EFHB: variants seen among roughly 807,000 people sequenced by gnomAD.
The protein encoded by EFHB is EF-hand domain-containing family member B.
In EFHB, 91 loss-of-function variants were observed where a neutral mutation model predicts 87.2. That is an observed-to-expected ratio of 1.04 (90% CI 0.88 to 1.24). The LOEUF is 1.24. EFHB is among the 50% of genes most tolerant of loss of function. The pLI is 0.00. For missense variants in EFHB, 1,084 were observed against 998.8 expected, an observed-to-expected ratio of 1.09 and a Z score of -1.15; for synonymous variants, 325 against 333.6, an observed-to-expected ratio of 0.97 and a Z score of 0.28.
At chr3:19,920,806 A>G (rs1027366476) in intron 1 of EFHB, among the ~76,000 whole-genome samples, 1 of 152,224 alleles carries the variant, frequency 6.6e-6, no homozygotes, top group Non-Finnish European at 1.5e-5. Flanking sequence ...CAGCACTAAC[A>G]TTGTTAGTGA....
intron 1 of EFHB, chr3:19,943,073 T>C: frequency 3.3e-6 from 1 of 299,584 alleles, no homozygotes; most frequent in South Asian, 4.0e-5. Context: ...GACAACAGCA[T>C]AATCAAGTCT....
intron 9 of EFHB, among the ~76,000 whole-genome samples, chr3:19,889,519 G>A (rs1000886698): frequency 3.3e-5 from 5 of 152,164 alleles, no homozygotes; most frequent in African/African-American, 9.7e-5. Flanking sequence ...TAGTATTTAA[G>A]CTCTTACTGC....
chr3:19,883,146 G>A (rs528462336), intron 11 of EFHB, among the ~76,000 whole-genome samples: 62 of 151,736 alleles, frequency 4.1e-4, no homozygotes, highest in African/African-American at 1.4e-3. Flanking sequence ...GACTACAGGC[G>A]TTTGCCATCA....
chr3:19,927,982 G>A (rs1326652040), intron 1 of EFHB, among the ~76,000 whole-genome samples: 2 of 149,060 alleles, frequency 1.3e-5, no homozygotes, highest in Non-Finnish European at 3.0e-5. Context: ...TAATATAGTA[G>A]CTAATACTAT....
chr3:19,932,100 TACTC>T (rs1695849794), intron 1 of EFHB, among the ~76,000 whole-genome samples: 1 of 152,204 alleles, frequency 6.6e-6, no homozygotes. Context: ...CAACTTCCCT[TACTC>T]ACCACGTAGA....
chr3:19,898,416 C>T (rs1317343826), intron 8 of EFHB, among the ~76,000 whole-genome samples: 5 of 152,198 alleles, frequency 3.3e-5, no homozygotes, highest in African/African-American at 9.7e-5. Context: ...TACTGGCAGT[C>T]TGCAGACCAC....
rs1451080653 is a variant in EFHB at position 19,933,842 on chromosome 3, T to C, written c.177A>G (p.Pro59=). ...TGCTCAATGGAAATTTTGTTTCTGGTGGTGCCATCCTTCCCTCACACTTAT... is the reference window on the plus strand; with the variant it reads ...TGCTCAATGGAAATTTTGTTTCTGGCGGTGCCATCCTTCCCTCACACTTAT... ...VSNKCEGRMA[P]PETKFPLSKG... is the part of the protein sequence containing the mutation. Residue 59 remains proline, a synonymous_variant, in exon 1 of 13, where the codon CCA becomes CCG. Coordinates refer to ENST00000295824, the MANE Select transcript of EFHB (RefSeq NM_144715.4). 4 of 1,613,984 alleles carry C rather than the reference T, an allele frequency of 2.5e-6. No homozygotes were observed. The highest frequency in any genetic ancestry group is 3.4e-6 in the Non-Finnish European group (4 of 1,179,896).
chr3:19,896,418 T>C (rs1462238581), intron 9 of EFHB: 2 of 482,960 alleles, frequency 4.1e-6, no homozygotes, highest in Admixed American at 3.2e-5. Flanking sequence ...ATGTCTTCTG[T>C]TAAGGGGCAA....
At position 19,899,436 on chromosome 3, in the gene EFHB, C is replaced by A; in HGVS notation, c.1498G>T (p.Asp500Tyr). Reference sequence around the variant, plus strand: ...TGAAGTTAATCATTAACTTACGGATCTAAAACTCTTCCAAGTTTATGTTGA... The same window carrying A: ...TGAAGTTAATCATTAACTTACGGATATAAAACTCTTCCAAGTTTATGTTGA... The part of the protein sequence containing the change: ...KFQHKLGRVL[D>Y]PIAETMNVPP... Residue 500 changes from aspartate (D) to tyrosine (Y), a missense_variant, in exon 7 of 13, where the codon GAT (aspartate) becomes TAT (tyrosine). Transcript: ENST00000295824. 1 of 1,597,168 alleles carries A rather than the reference C, an allele frequency of 6.3e-7. No homozygotes were observed. Among genetic ancestry groups the A allele is most frequent in the Admixed American group, 1.7e-5 (1 of 57,146 alleles).
In EFHB at chr3:19,888,460, C is replaced by T; in HGVS notation, c.1917G>A (p.Glu639=). 6.5e-7 allele frequency: 1 copy of T among 1,548,842 alleles called. No homozygotes were observed. The highest frequency in any genetic ancestry group is 1.2e-5 in the South Asian group (1 of 83,450). ...ATTAAATACCTTTAATAATGACCCT[C>T]TCTTCATACTCTTTAAGAAGCATTT... ...KDKMLLKEYE[E]RVIIKGRKPD... is the part of the protein sequence containing the mutation. Residue 639 remains glutamate, a synonymous_variant, in exon 10 of 13, where the codon GAG becomes GAA. Coordinates refer to ENST00000295824, the MANE Select transcript of EFHB (RefSeq NM_144715.4).
chr3:19,891,943 A>C (rs1198476709), intron 9 of EFHB, among the ~76,000 whole-genome samples: 1 of 152,208 alleles, frequency 6.6e-6, no homozygotes, highest in Non-Finnish European at 1.5e-5. Flanking sequence ...TCTTACGGTG[A>C]GAGAGGACAC....
At chr3:19,902,419 A>G (rs9846942) in intron 6 of EFHB, among the ~76,000 whole-genome samples, 71,470 of 151,956 alleles carry the variant, frequency 0.47, 18,359 homozygotes, top group African/African-American at 0.69. Flanking sequence ...CAATGGCGCC[A>G]TCTCAGCTCA....
chr3:19,880,264 T>TTATC (rs1363254371), intron 12 of EFHB, among the ~76,000 whole-genome samples: 3 of 149,876 alleles, frequency 2.0e-5, no homozygotes, highest in Non-Finnish European at 4.4e-5. Context: ...ATTTATTTAT[T>TTATC]TTTGAGACAG....
At chr3:19,922,872 T>C (rs1695485429) in intron 1 of EFHB, among the ~76,000 whole-genome samples, 1 of 152,190 alleles carries the variant, frequency 6.6e-6, no homozygotes, top group South Asian at 2.1e-4. Context: ...TCAACTATTA[T>C]TACATTACTA....
In EFHB at chr3:19,910,573, G is replaced by A. The variant is rs549306480; in HGVS notation, c.1288+4730C>T. 5.3e-4 allele frequency among the ~76,000 whole-genome samples: 81 copies of A among 152,300 alleles called. 1 individual carries two copies. Among genetic ancestry groups the A allele is most frequent in the Non-Finnish European group, 9.3e-4 (63 of 68,018 alleles). ...ACAGGCCTGGCTGGCTTTACCACCT[G>A]TTAATTGTAGAGCCCCAGGACCTTG... On this transcript the variant is annotated intron_variant, in intron 5 of 12. Transcript: ENST00000295824.
At chr3:19,918,808 C>G (rs531953809) in intron 3 of EFHB, among the ~76,000 whole-genome samples, 1 of 122,204 alleles carries the variant, frequency 8.2e-6, no homozygotes, top group African/African-American at 3.8e-5. Flanking sequence ...AACCCCATAA[C>G]TACTAAAAAA....
chr3:19,896,164 C>T lies in EFHB; in HGVS notation c.1725+523G>A, dbSNP rs73188444. On this transcript the variant is annotated intron_variant, in intron 9 of 12. Transcript: ENST00000295824. ...CTTCCCCAGGGATCCCCAGTGCTAC[C>T]CATTGCCCCTTGCTCCCAGCACACT... Among the ~76,000 whole-genome samples, 1,188 of 152,182 alleles carry T rather than the reference C, an allele frequency of 7.8e-3. 11 individuals are homozygous for T. The highest frequency in any genetic ancestry group is 0.025 in the African/African-American group (1,022 of 41,506).
intron 9 of EFHB, among the ~76,000 whole-genome samples, chr3:19,892,328 C>T (rs1037948279): frequency 2.0e-5 from 3 of 152,224 alleles, no homozygotes; most frequent in African/African-American, 7.2e-5. Flanking sequence ...CTACTTCTCT[C>T]ACCAGCTCCT....
intron 5 of EFHB, among the ~76,000 whole-genome samples, chr3:19,907,580 C>A (rs1694882007): frequency 6.6e-6 from 1 of 152,134 alleles, no homozygotes; most frequent in Non-Finnish European, 1.5e-5. Flanking sequence ...AACATTGCGA[C>A]CCTCATATTT....
Sources: gnomAD v4.1 joint callset for allele counts (sites outside exome capture counted in the v4.1 genomes callset) on GRCh38, gnomAD v4.1.1 for gene constraint, MANE v1.5 for transcripts, NCBI Gene and HGNC (gene_info 2026-07-23, HGNC 2026-07-21) for gene names.